Variants in FOXK2 observed in about 807,000 individuals in gnomAD.
FOXK2 encodes forkhead box K2.
Under a neutral mutation model 53.3 loss-of-function variants are expected in FOXK2, and 24 were observed. That is an observed-to-expected ratio of 0.45 (90% CI 0.33 to 0.63). FOXK2 has a LOEUF of 0.63. FOXK2 is among the 30% of genes least tolerant of loss of function. The probability of loss-of-function intolerance (pLI) is 0.03; values close to 1 mark genes in which losing one functional copy is unlikely to be tolerated. For missense variants in FOXK2, 952 were observed against 910.5 expected (o/e 1.05, Z -0.59); for synonymous variants, 505 against 407.1 (o/e 1.24, Z -2.89).
chr17:82,523,034 C>G (rs1476812880), intron 1 of FOXK2, among the ~76,000 whole-genome samples: 1 of 152,174 alleles, frequency 6.6e-6, no homozygotes, highest in African/African-American at 2.4e-5. Context: ...ACCTCGTGAT[C>G]CACCCGCCTT....
At chr17:82,547,586 A>C in intron 1 of FOXK2, among the ~76,000 whole-genome samples, 1 of 152,288 alleles carries the variant, frequency 6.6e-6, no homozygotes. Flanking sequence ...TAATTTATAC[A>C]TATATTAATA....
chr17:82,522,703 C>A (rs770742340), intron 1 of FOXK2, among the ~76,000 whole-genome samples: 5 of 152,042 alleles, frequency 3.3e-5, no homozygotes, highest in Non-Finnish European at 5.9e-5. Flanking sequence ...ATTCTCCTCA[C>A]CATTCAGCCA....
chr17:82,600,362 A>AC (rs1362559320), intron 8 of FOXK2: 2 of 152,034 alleles, frequency 1.3e-5, no homozygotes, highest in African/African-American at 4.8e-5. Context: ...GGTGGACCGA[A>AC]CCCCGGGGAA....
chr17:82,584,155 A>T lies in FOXK2; in HGVS notation c.1246A>T (p.Ile416Phe). 6.2e-7 allele frequency: 1 copy of T among 1,609,020 alleles called. No individual in the cohort carries two copies. Among genetic ancestry groups the T allele is most frequent in the South Asian group, 1.1e-5 (1 of 90,806 alleles). Residue 416 changes from isoleucine to phenylalanine, a missense_variant, in exon 6 of 9, where the codon ATC (isoleucine) becomes TTC (phenylalanine). Ile to Phe is a conservative substitution (Grantham distance 21). Around this residue, in one of 5 missense-constraint regions of FOXK2, gnomAD observed 551 missense variants for 385.1 expected, o/e 1.43. Transcript: ENST00000335255. ...CGCTGCACAGCCCAAACTCGCTGTCATCCAGGAAGCCCGGTTTGCCCAGAG... is the reference window on the plus strand; with the variant it reads ...CGCTGCACAGCCCAAACTCGCTGTCTTCCAGGAAGCCCGGTTTGCCCAGAG... The part of the protein sequence containing the change: ...PGAAQPKLAV[I>F]QEARFAQSAP...
chr17:82,581,195 A>G (rs1179650120), intron 4 of FOXK2, among the ~76,000 whole-genome samples: 2 of 152,250 alleles, frequency 1.3e-5, no homozygotes, highest in Non-Finnish European at 2.9e-5. Flanking sequence ...AAATCTACAC[A>G]TTAATGTAAA....
intron 1 of FOXK2, among the ~76,000 whole-genome samples, chr17:82,555,803 G>A (rs768568596): frequency 2.1e-4 from 31 of 148,814 alleles, no homozygotes; most frequent in Non-Finnish European, 3.9e-4. Context: ...CAGGAGAATG[G>A]CGTGAACCTG....
At chr17:82,539,536 C>G (rs752062728) in intron 1 of FOXK2, among the ~76,000 whole-genome samples, 8 of 152,000 alleles carry the variant, frequency 5.3e-5, no homozygotes, top group Admixed American at 1.3e-4. Flanking sequence ...GTGATTCCAG[C>G]TACTTTGGAG....
intron 8 of FOXK2, chr17:82,588,412 G>A (rs2045217725): frequency 6.0e-6 from 1 of 165,746 alleles, no homozygotes; most frequent in Non-Finnish European, 1.3e-5. Flanking sequence ...AGGGCAGGCG[G>A]TTGGAGGGCT....
In FOXK2 at chr17:82,519,946, G is replaced by A; in HGVS notation, c.58G>A (p.Ala20Thr). The part of the protein sequence containing the change: ...GAGTPPAGGG[A>T]GGGGAGGGGS... ...GGGCACGCCACCCGCGGGCGGCGGGGCCGGGGGCGGCGGGGCCGGGGGCGG... is the reference window on the plus strand; with the variant it reads ...GGGCACGCCACCCGCGGGCGGCGGGACCGGGGGCGGCGGGGCCGGGGGCGG... Residue 20 changes from alanine (A) to threonine (T), a missense_variant, in exon 1 of 9, where the codon GCC (alanine) becomes ACC (threonine). By Grantham distance (58) the Ala-to-Thr change is moderately conservative (BLOSUM62 0). Coordinates refer to ENST00000335255, the MANE Select transcript of FOXK2 (RefSeq NM_004514.4). 2 of 825,236 alleles carry A rather than the reference G, an allele frequency of 2.4e-6. No homozygotes were observed. Among genetic ancestry groups the A allele is most frequent in the Non-Finnish European group, 2.9e-6 (2 of 692,928 alleles). 51.1% of individuals were successfully genotyped at this position (825,236 alleles called of 1,614,324 possible).
At chr17:82,587,788 C>T (rs913873641) in intron 8 of FOXK2, among the ~76,000 whole-genome samples, 3 of 152,200 alleles carry the variant, frequency 2.0e-5, no homozygotes, top group African/African-American at 7.2e-5. Context: ...CTTCGCCCTG[C>T]CCTGTGGAGT....
In FOXK2 at chr17:82,601,779, C is replaced by A; in HGVS notation, c.*280C>A. The A allele has an allele frequency of 2.9e-6, 1 of 341,662 alleles. No homozygotes were observed. 21.2% of individuals were successfully genotyped at this position (341,662 alleles called of 1,614,324 possible). On this transcript the variant is annotated 3_prime_UTR_variant, in exon 9 of 9. Transcript: ENST00000335255. ...TGAAACTCTGTCCTCCCGCGAGGAC[C>A]AGGCATCGCTGTGTGAGGACGGCAC... is the stretch of plus-strand genomic sequence containing the variant.
chr17:82,582,973 T>C, intron 5 of FOXK2, 39 bp downstream of exon 5: 1 of 1,408,842 alleles, frequency 7.1e-7, no homozygotes. Context: ...ACTTCGTGCT[T>C]ACTAAACTTA....
At chr17:82,535,569 C>G (rs1009864425) in intron 1 of FOXK2, among the ~76,000 whole-genome samples, 9 of 152,126 alleles carry the variant, frequency 5.9e-5, no homozygotes, top group Non-Finnish European at 1.0e-4. Flanking sequence ...TTTCCTGATT[C>G]TTCTTGTGCC....
In FOXK2 at chr17:82,540,373, C is replaced by T. The variant is rs115506809; in HGVS notation, c.419+20066C>T. On this transcript the variant is annotated intron_variant, in intron 1 of 8. Coordinates refer to ENST00000335255, the MANE Select transcript of FOXK2 (RefSeq NM_004514.4). Reference sequence around the variant, plus strand: ...AAGAGATTTTGGTGTTAATGACTTTCACTTCCCTGTCTTATGTCCATTCTT... The same window carrying T: ...AAGAGATTTTGGTGTTAATGACTTTTACTTCCCTGTCTTATGTCCATTCTT... Among the ~76,000 whole-genome samples, 851 of 152,154 alleles carry T rather than the reference C, an allele frequency of 5.6e-3. 5 individuals are homozygous for T. The highest frequency in any genetic ancestry group is 0.018 in the African/African-American group (767 of 41,518).
At position 82,522,889 on chromosome 17, in the gene FOXK2, G is replaced by A. The variant is rs139737952; in HGVS notation, c.419+2582G>A. 7.4e-3 allele frequency among the ~76,000 whole-genome samples: 1,133 copies of A among 152,124 alleles called. 20 individuals are homozygous for A. The highest frequency in any genetic ancestry group is 0.026 in the African/African-American group (1,085 of 41,488). ...GGCTTGCTGCAACCTCCGCCTCCCT[G>A]GTTCAAGCAATTCTTGTGCCTCAGC... On this transcript the variant is annotated intron_variant, in intron 1 of 8. Transcript: ENST00000335255.
chr17:82,568,002 A>G (rs2044870659), intron 2 of FOXK2, 52 bp from the exon 3 acceptor site: 1 of 1,457,910 alleles, frequency 6.9e-7, no homozygotes, highest in Middle Eastern at 1.8e-4. Context: ...GAAGCACAGT[A>G]GGATGCGTGC....
chr17:82,571,103 C>T (rs948598005), intron 3 of FOXK2, among the ~76,000 whole-genome samples: 2 of 152,140 alleles, frequency 1.3e-5, no homozygotes, highest in African/African-American at 4.8e-5. Context: ...CAGCCTTACC[C>T]ACCCCTCGCC....
At chr17:82,592,291 C>T (rs1421845949) in intron 8 of FOXK2, among the ~76,000 whole-genome samples, 2 of 152,250 alleles carry the variant, frequency 1.3e-5, no homozygotes, top group South Asian at 2.1e-4. Flanking sequence ...GGCTGAGCTG[C>T]GGTCCTGGAG....
chr17:82,551,395 G>A (rs1426090756), intron 1 of FOXK2, among the ~76,000 whole-genome samples: 1 of 151,862 alleles, frequency 6.6e-6, no homozygotes, highest in Non-Finnish European at 1.5e-5. Context: ...GTTAAAGCTG[G>A]CCAGGCACGG....
Sources: gnomAD v4.1 joint callset for allele counts (sites outside exome capture counted in the v4.1 genomes callset) on GRCh38, gnomAD v4.1.1 for gene constraint, gnomAD v4.1.1 regional missense constraint, MANE v1.5 for transcripts, NCBI Gene and HGNC (gene_info 2026-07-23, HGNC 2026-07-21) for gene names.